NISCH: variants seen among roughly 807,000 people sequenced by gnomAD.
The protein encoded by NISCH is I-1 receptor candidate protein.
NISCH carries 55 observed loss-of-function variants against 138.4 expected under a neutral mutation model. The ratio of observed to expected loss-of-function variants is 0.40; its 90% CI spans 0.32 to 0.50. NISCH has a LOEUF of 0.50. Among genes scored for constraint, NISCH ranks in the 20% least tolerant of loss-of-function variants. The pLI is 0.71. For synonymous variants in NISCH, 860 were observed against 861.5 expected, an observed-to-expected ratio of 1.00 and a Z score of 0.03; for missense variants, 1,643 against 2,005.5, an observed-to-expected ratio of 0.82 and a Z score of 3.45.
chr3:52,487,045 C>A lies in NISCH; in HGVS notation c.1704-151C>A. ...CACTGGCTCCCACCAGGGCCCTCATCCTGGGAACTGACTTGGCCATGTGGG... is the reference window on the plus strand; with the variant it reads ...CACTGGCTCCCACCAGGGCCCTCATACTGGGAACTGACTTGGCCATGTGGG... On this transcript the variant is annotated intron_variant, in intron 15 of 20. Coordinates refer to ENST00000345716, the MANE Select transcript of NISCH (RefSeq NM_007184.4). This position sits in a 1 kb window ranked among gnomAD's most constrained non-coding sequence, Gnocchi z 9.1. 1 of 866,864 alleles carries A rather than the reference C, an allele frequency of 1.2e-6. No individual in the cohort carries two copies. Among genetic ancestry groups the A allele is most frequent in the Non-Finnish European group, 1.7e-6 (1 of 576,648 alleles). The allele number at this position is 866,864 out of a possible 1,614,324, so 53.7% of individuals were successfully genotyped here.
Position 52,492,990 on chromosome 3 carries a change from G to T in NISCH, c.*508G>T, listed in dbSNP as rs549756028. 5.5e-5 allele frequency: 9 copies of T among 164,018 alleles called. No homozygotes were observed. The East Asian group carries it at 1.6e-3, about 29-fold the overall frequency. The allele number at this position is 164,018 out of a possible 1,614,324, so 10.2% of individuals were successfully genotyped here. On this transcript the variant is annotated 3_prime_UTR_variant, in exon 21 of 21. Coordinates refer to ENST00000345716, the MANE Select transcript of NISCH (RefSeq NM_007184.4). The stretch of plus-strand genomic sequence containing the variant: ...AAGTGGGAGAGCCCGTGGGGGCAGG[G>T]GACCTGGAGCTGCCAGCACCAAGCG...
intron 2 of NISCH, 88 bp from the exon 3 acceptor site, chr3:52,458,574 A>G: frequency 8.7e-7 from 1 of 1,152,504 alleles, no homozygotes; most frequent in South Asian, 1.5e-5. Context: ...AAGTGCTGAC[A>G]AGCGCCTGCC....
intron 7 of NISCH, among the ~76,000 whole-genome samples, chr3:52,475,396 A>C (rs1019726390): frequency 6.6e-6 from 1 of 151,582 alleles, no homozygotes; most frequent in Non-Finnish European, 1.5e-5. Context: ...GCTTTGTGCT[A>C]CTCCCCTTAT....
At position 52,489,957 on chromosome 3, in the gene NISCH, G is replaced by A. The variant is rs570835519; in HGVS notation, c.3457-118G>A. 9.5e-4 allele frequency: 1,327 copies of A among 1,394,206 alleles called. 1 individual carries two copies. Among genetic ancestry groups the A allele is most frequent in the Non-Finnish European group, 1.2e-3 (1,216 of 1,014,412 alleles). 86.4% of individuals were successfully genotyped at this position (1,394,206 alleles called of 1,614,324 possible). A position where few individuals can be genotyped will look rare whatever the true frequency, so the allele number is the denominator to read the frequency against. ...TCTTCCTCTCTGCCTTGAAGCATAC[G>A]GATTCATTGGTGAGCCAAGAGGGGC... On this transcript the variant is annotated intron_variant, in intron 17 of 20. Transcript: ENST00000345716.
rs1329666160 is a variant in NISCH at position 52,477,571 on chromosome 3, A to G, written c.919-3A>G. ...AACATCGGGTGTTCTTTTCTTTCAC[A>G]AGAAACTGATCCCAAAGATTGAGTT... On this transcript the variant is annotated splice_region_variant and splice_polypyrimidine_tract_variant and intron_variant, in intron 8 of 20. Coordinates refer to ENST00000345716, the MANE Select transcript of NISCH (RefSeq NM_007184.4). 2.5e-6 allele frequency: 4 copies of G among 1,613,606 alleles called. No individual in the cohort carries two copies. In the African/African-American group the frequency reaches 4.0e-5, roughly 16 times the overall value.
At chr3:52,473,567 A>G (rs1304003315) in intron 6 of NISCH, among the ~76,000 whole-genome samples, 167 bp from the exon 7 acceptor site, 1 of 152,196 alleles carries the variant, frequency 6.6e-6, no homozygotes, top group African/African-American at 2.4e-5. Flanking sequence ...TTTGGTCGGC[A>G]CTGACACTGG....
Position 52,487,754 on chromosome 3 carries a change from C to T in NISCH, c.2262C>T (p.Leu754=), listed in dbSNP as rs909810491. Residue 754 remains leucine, a synonymous_variant, in exon 16 of 21, where the codon CTC becomes CTT. Transcript: ENST00000345716. The surrounding 1 kb of genome is among the most constrained non-coding windows in gnomAD (Gnocchi z 9.1). ...CTCGGGGCAGCAGCCAGCACATCCT[C>T]TCCTCCCTGCGCTTTGTCTTTTGCT... ...QESRGSSQHI[L]SSLRFVFCFP... is the part of the protein sequence containing the mutation. The T allele has an allele frequency of 1.9e-6, 3 of 1,613,824 alleles. No individual in the cohort carries two copies. The highest frequency in any genetic ancestry group is 1.1e-5 in the South Asian group (1 of 91,080).
At chr3:52,490,577 C>G (rs779490052) in intron 18 of NISCH, 128 bp from the exon 19 acceptor site, 6 of 1,317,420 alleles carry the variant, frequency 4.6e-6, no homozygotes, top group Non-Finnish European at 6.4e-6. Flanking sequence ...AGGGCATTGC[C>G]TATGGGGCTT....
chr3:52,471,706 A>C (rs1320529657), intron 4 of NISCH, 108 bp from the exon 5 acceptor site: 15 of 1,363,326 alleles, frequency 1.1e-5, no homozygotes, highest in Non-Finnish European at 1.5e-5. Flanking sequence ...TTGCCCTGAC[A>C]CAGTGGGTGC....
At position 52,472,410 on chromosome 3, in the gene NISCH, C is replaced by G; in HGVS notation, c.669+12C>G. On this transcript the variant is annotated intron_variant, in intron 6 of 20. Coordinates refer to ENST00000345716, the MANE Select transcript of NISCH (RefSeq NM_007184.4). Reference sequence around the variant, plus strand: ...TGCATCAGGTGGAGGTAAGGCCCAGCGCTGCACAGCATCCTCTCGCTCCCA... The same window carrying G: ...TGCATCAGGTGGAGGTAAGGCCCAGGGCTGCACAGCATCCTCTCGCTCCCA... 1 of 1,610,292 alleles carries G rather than the reference C, an allele frequency of 6.2e-7. No homozygotes were observed. The highest frequency in any genetic ancestry group is 8.5e-7 in the Non-Finnish European group (1 of 1,176,588).
chr3:52,461,731 T>C (rs1424180994), intron 3 of NISCH, among the ~76,000 whole-genome samples: 3 of 151,812 alleles, frequency 2.0e-5, no homozygotes, highest in East Asian at 3.9e-4. Flanking sequence ...GGCATGGTGG[T>C]GGGCTCCTGT....
At chr3:52,484,462 T>TTGCGGC in intron 13 of NISCH, 51 bp from the exon 14 acceptor site, 1 of 788,670 alleles carries the variant, frequency 1.3e-6, no homozygotes, top group Non-Finnish European at 1.8e-6. Context: ...ACAGCCGCTC[T>TTGCGGC]CCCCGCCCCA....
chr3:52,464,964 G>A (rs1042681420), intron 3 of NISCH, among the ~76,000 whole-genome samples: 1 of 151,344 alleles, frequency 6.6e-6, no homozygotes, highest in Non-Finnish European at 1.5e-5. Context: ...CACCATGCCC[G>A]GCCATCTTTT....
chr3:52,463,471 A>G (rs1408578750), intron 3 of NISCH, among the ~76,000 whole-genome samples: 2 of 152,208 alleles, frequency 1.3e-5, no homozygotes, highest in Non-Finnish European at 2.9e-5. Context: ...TATATAGCCA[A>G]AAGTGGAACC....
chr3:52,489,308 T>C (rs1431885622), intron 16 of NISCH, 28 bp from the exon 17 acceptor site: 94 of 1,597,702 alleles, frequency 5.9e-5, no homozygotes, highest in Non-Finnish European at 7.7e-5. Flanking sequence ...GGGTCCGCTG[T>C]TAATATGGTG....
chr3:52,484,746 C>A, intron 14 of NISCH, 109 bp downstream of exon 14: 1 of 1,320,646 alleles, frequency 7.6e-7, no homozygotes, highest in Admixed American at 1.9e-5. Context: ...CAGATGCTTC[C>A]AGGGTTTGGC....
intron 13 of NISCH, among the ~76,000 whole-genome samples, chr3:52,483,585 G>GC (rs1707331886): frequency 6.6e-6 from 1 of 152,260 alleles, no homozygotes; most frequent in South Asian, 2.1e-4. Flanking sequence ...TCAGAGTGCT[G>GC]CTGTCCGTGG....
rs762833811 is a variant in NISCH, at chr3:52,487,400, C to T, written c.1908C>T (p.Gly636=). The change falls in exon 16 of 21, where the codon GGC becomes GGT. Residue 636 remains glycine, a synonymous_variant. Transcript: ENST00000345716. This position sits in a 1 kb window ranked among gnomAD's most constrained non-coding sequence, Gnocchi z 9.1. Reference sequence around the variant, plus strand: ...GGGAGGAGGGCCAGGGTGAACAGGGCGAGGAGGAGGATGAGGAGGAGGAAG... The same window carrying T: ...GGGAGGAGGGCCAGGGTGAACAGGGTGAGGAGGAGGATGAGGAGGAGGAAG... ...NQREEGQGEQ[G]EEEDEEEEEE... 1.2e-5 allele frequency: 20 copies of T among 1,613,084 alleles called. No homozygotes were observed. The highest frequency in any genetic ancestry group is 3.3e-5 in the South Asian group (3 of 91,038).
intron 4 of NISCH, chr3:52,471,207 G>C (rs1706936731): frequency 2.0e-6 from 1 of 490,442 alleles, no homozygotes; most frequent in African/African-American, 1.9e-5. Context: ...GCTGACCCTG[G>C]GTCCCATCCC....
Sources: allele counts gnomAD v4.1 joint callset (sites outside exome capture counted in the v4.1 genomes callset), GRCh38; gene constraint gnomAD v4.1.1; non-coding constraint Gnocchi (gnomAD v3.1); transcripts MANE v1.5; gene names NCBI Gene and HGNC (gene_info 2026-07-23, HGNC 2026-07-21).